Variants in ZFAND3 observed in about 807,000 individuals in gnomAD.
The protein encoded by ZFAND3 is AN1-type zinc finger protein 3.
A neutral mutation model predicts 29.6 loss-of-function variants in ZFAND3; 10 were observed. The ratio of observed to expected loss-of-function variants is 0.34; its 90% CI spans 0.21 to 0.57. ZFAND3 has a LOEUF of 0.57. ZFAND3 is among the 20% of genes least tolerant of loss of function. ZFAND3 has a pLI of 0.86. For missense variants in ZFAND3, 230 were observed against 304.5 expected (o/e 0.76, Z 1.82); for synonymous variants, 128 against 112.6 (o/e 1.14, Z -0.87).
In ZFAND3 at chr6:37,862,281, A is replaced by T. The variant is rs148357333; in HGVS notation, c.71+42265A>T. 7.0e-4 allele frequency among the ~76,000 whole-genome samples: 107 copies of T among 152,276 alleles called. 4 individuals carry two copies. In the East Asian group the frequency reaches 0.02, roughly 29 times the overall value. ...CATGCCTAAGAATTCAAAGAAAGAAATGGTACAGTAGACGGCCTCATTCAC... is the reference window on the plus strand; with the variant it reads ...CATGCCTAAGAATTCAAAGAAAGAATTGGTACAGTAGACGGCCTCATTCAC... On this transcript the variant is annotated intron_variant, in intron 1 of 5. Coordinates refer to ENST00000287218, the MANE Select transcript of ZFAND3 (RefSeq NM_021943.3).
chr6:37,837,835 T>C (rs1227314524), intron 1 of ZFAND3, among the ~76,000 whole-genome samples: 1 of 152,170 alleles, frequency 6.6e-6, no homozygotes, highest in Non-Finnish European at 1.5e-5. Context: ...ACAACATATA[T>C]AGAGAACAGC....
intron 2 of ZFAND3, among the ~76,000 whole-genome samples, chr6:37,953,833 T>G (rs374551759): frequency 6.6e-6 from 1 of 152,368 alleles, no homozygotes; most frequent in African/African-American, 2.4e-5. Context: ...TCTGCTGCTC[T>G]TGACAATATA....
intron 5 of ZFAND3, among the ~76,000 whole-genome samples, chr6:38,142,727 G>A (rs1765989381): frequency 6.6e-6 from 1 of 152,174 alleles, no homozygotes; most frequent in South Asian, 2.1e-4. Context: ...AGCAGTGCAG[G>A]TGCCTCCTTA....
At chr6:38,010,087 A>G (rs909397723) in intron 2 of ZFAND3, among the ~76,000 whole-genome samples, 4 of 152,236 alleles carry the variant, frequency 2.6e-5, no homozygotes, top group African/African-American at 9.7e-5. Flanking sequence ...AACTGTACAT[A>G]TATTTAAGAC....
At chr6:37,821,693 G>A (rs1763670014) in intron 1 of ZFAND3, among the ~76,000 whole-genome samples, 1 of 152,216 alleles carries the variant, frequency 6.6e-6, no homozygotes. Flanking sequence ...GCTGCCAGTG[G>A]CAGCTAATGC....
intron 1 of ZFAND3, among the ~76,000 whole-genome samples, chr6:37,919,345 A>C (rs966837983): frequency 6.6e-6 from 1 of 152,220 alleles, no homozygotes; most frequent in African/African-American, 2.4e-5. Context: ...TGTAATTTGT[A>C]TATGCTCGTA....
intron 2 of ZFAND3, among the ~76,000 whole-genome samples, chr6:37,989,764 G>GTAGTTTTTGTGATTT: frequency 6.6e-6 from 1 of 152,310 alleles, no homozygotes; most frequent in South Asian, 2.1e-4. Flanking sequence ...GGCTGGCACG[G>GTAGTTTTTGTGATTT]TAGTTTTTGT....
At chr6:37,849,146 A>G (rs1487245883) in intron 1 of ZFAND3, among the ~76,000 whole-genome samples, 1 of 152,190 alleles carries the variant, frequency 6.6e-6, no homozygotes, top group African/African-American at 2.4e-5. Flanking sequence ...CTGCTCATCA[A>G]CGGGGGCTGC....
At chr6:38,127,680 A>G (rs1348682595) in intron 5 of ZFAND3, among the ~76,000 whole-genome samples, 1 of 152,028 alleles carries the variant, frequency 6.6e-6, no homozygotes, top group African/African-American at 2.4e-5. Context: ...CTTAGTAATC[A>G]TTTAGTCTCA....
intron 4 of ZFAND3, among the ~76,000 whole-genome samples, chr6:38,097,208 T>A (rs1764999032): frequency 6.6e-6 from 1 of 151,790 alleles, no homozygotes; most frequent in Non-Finnish European, 1.5e-5. Flanking sequence ...CCTGAGTAGC[T>A]GGAACCACAG....
chr6:38,105,189 T>C (rs1765183541), intron 4 of ZFAND3, among the ~76,000 whole-genome samples: 1 of 152,212 alleles, frequency 6.6e-6, no homozygotes, highest in African/African-American at 2.4e-5. Flanking sequence ...ATTAGGAAGC[T>C]TAACTTTAAG....
At chr6:38,080,635 T>G (rs1201503169) in intron 3 of ZFAND3, among the ~76,000 whole-genome samples, 2 of 152,098 alleles carry the variant, frequency 1.3e-5, no homozygotes, top group East Asian at 3.9e-4. Context: ...AAGTAGGGAG[T>G]AGTTGTCAGA....
chr6:38,002,234 C>T (rs1762961185), intron 2 of ZFAND3, among the ~76,000 whole-genome samples: 1 of 151,592 alleles, frequency 6.6e-6, no homozygotes, highest in South Asian at 2.1e-4. Context: ...AAGATGATAC[C>T]CTCAGGAAGC....
chr6:38,113,602 T>G (rs1395585731), intron 4 of ZFAND3, among the ~76,000 whole-genome samples: 3 of 152,062 alleles, frequency 2.0e-5, no homozygotes, highest in African/African-American at 4.8e-5. Flanking sequence ...AGGGCAGGGG[T>G]TGGGGGGTCC....
intron 2 of ZFAND3, among the ~76,000 whole-genome samples, chr6:38,022,260 A>G (rs183208240): frequency 1.3e-4 from 20 of 152,368 alleles, no homozygotes; most frequent in Non-Finnish European, 7.3e-5. Context: ...TTCTAAAATC[A>G]GCATCTATTA....
chr6:38,031,232 T>C (rs1295666160), intron 2 of ZFAND3, among the ~76,000 whole-genome samples: 1 of 150,236 alleles, frequency 6.7e-6, no homozygotes, highest in Non-Finnish European at 1.5e-5. Flanking sequence ...TTTTCAAAAA[T>C]ACTTAGTTAC....
At chr6:37,878,799 C>A (rs1764839518) in intron 1 of ZFAND3, among the ~76,000 whole-genome samples, 3 of 152,164 alleles carry the variant, frequency 2.0e-5, no homozygotes, top group Admixed American at 2.0e-4. Flanking sequence ...ACTTAGTAAT[C>A]ACAGGGATGG....
At chr6:37,926,706 C>A (rs1761491420) in intron 1 of ZFAND3, among the ~76,000 whole-genome samples, 1 of 152,192 alleles carries the variant, frequency 6.6e-6, no homozygotes, top group Non-Finnish European at 1.5e-5. Flanking sequence ...ACGTGGTACC[C>A]ATTGGAGAGC....
At chr6:37,964,255 C>T (rs1237932975) in intron 2 of ZFAND3, among the ~76,000 whole-genome samples, 2 of 152,110 alleles carry the variant, frequency 1.3e-5, no homozygotes, top group Admixed American at 1.3e-4. Context: ...GGTGCATTTA[C>T]CTAGGTTCTG....
Sources: allele counts gnomAD v4.1 joint callset (sites outside exome capture counted in the v4.1 genomes callset), GRCh38; gene constraint gnomAD v4.1.1; transcripts MANE v1.5; gene names NCBI Gene and HGNC (gene_info 2026-07-23, HGNC 2026-07-21).